Variants in MTHFD1L observed in about 807,000 individuals in gnomAD.
MTHFD1L encodes the protein monofunctional C1-tetrahydrofolate synthase, mitochondrial.
Under a neutral mutation model 119.5 loss-of-function variants are expected in MTHFD1L, and 81 were observed. The observed-to-expected ratio is 0.68, with a 90% CI of 0.57 to 0.82. The LOEUF (loss-of-function observed/expected upper bound fraction) is 0.82. Among genes scored for constraint, MTHFD1L ranks in the 40% least tolerant of loss-of-function variants. The probability of loss-of-function intolerance (pLI) is 0.00; values close to 1 mark genes in which losing one functional copy is unlikely to be tolerated. For synonymous variants in MTHFD1L, 430 were observed against 475.2 expected (o/e 0.90, Z 1.24); for missense variants, 1,125 against 1,253.4 (o/e 0.90, Z 1.55).
At chr6:150,984,446 A>G (rs1583956188) in intron 20 of MTHFD1L, among the ~76,000 whole-genome samples, 1 of 152,124 alleles carries the variant, frequency 6.6e-6, no homozygotes, top group Non-Finnish European at 1.5e-5. Context: ...CAGATAAAGT[A>G]ACTGAAGACT....
chr6:150,952,599 G>A (rs943968387), intron 16 of MTHFD1L, among the ~76,000 whole-genome samples: 2 of 152,116 alleles, frequency 1.3e-5, no homozygotes, highest in East Asian at 1.9e-4. Flanking sequence ...GTGCGATCTC[G>A]GCTCACCGCA....
At chr6:151,030,956 A>T (rs1785262645) in intron 24 of MTHFD1L, among the ~76,000 whole-genome samples, 2 of 152,352 alleles carry the variant, frequency 1.3e-5, no homozygotes, top group South Asian at 4.1e-4. Flanking sequence ...CAATGCAGGA[A>T]AATCACTTGA....
intron 26 of MTHFD1L, among the ~76,000 whole-genome samples, chr6:151,084,755 G>A (rs972706862): frequency 2.8e-4 from 42 of 151,654 alleles, no homozygotes; most frequent in Non-Finnish European, 4.4e-4. Flanking sequence ...CACGAGGTCA[G>A]GAGATCGAGA....
rs1562348409 is a variant in MTHFD1L, at chr6:150,903,203, A to ATTCTTTTTT, written c.781-2445_781-2444insCTTTTTTTT. 3.5e-5 allele frequency among the ~76,000 whole-genome samples: 3 copies of ATTCTTTTTT among 85,474 alleles called. 1 individual carries two copies. The highest frequency in any genetic ancestry group is 1.5e-4 in the Admixed American group (1 of 6,584). 56.1% of individuals were successfully genotyped at this position (85,474 alleles called of 152,430 possible). The stretch of plus-strand genomic sequence containing the variant: ...GATTGCTGGTGATATTGGCTGCAAA[A>ATTCTTTTTT]TTTTTTTTTTTTTTTTTTTTTTTTT... On this transcript the variant is annotated intron_variant, in intron 7 of 27. Transcript: ENST00000367321.
intron 12 of MTHFD1L, among the ~76,000 whole-genome samples, chr6:150,937,861 G>A (rs1325223743): frequency 3.3e-5 from 5 of 152,136 alleles, no homozygotes; most frequent in African/African-American, 4.8e-5. Flanking sequence ...ACACATGGGC[G>A]GTGTTGTTCT....
chr6:151,038,802 G>A (rs1584263108), intron 26 of MTHFD1L, among the ~76,000 whole-genome samples: 1 of 152,136 alleles, frequency 6.6e-6, no homozygotes, highest in South Asian at 2.1e-4. Context: ...TCCTCCTACC[G>A]TGGGGGCCGG....
At chr6:150,980,399 A>G (rs1325910506) in intron 20 of MTHFD1L, among the ~76,000 whole-genome samples, 1 of 152,134 alleles carries the variant, frequency 6.6e-6, no homozygotes. Context: ...GCTTTTGTGT[A>G]AAGTAGCCCT....
chr6:150,929,740 AAGACT>A (rs1253401786), intron 11 of MTHFD1L, among the ~76,000 whole-genome samples: 1 of 152,222 alleles, frequency 6.6e-6, no homozygotes, highest in African/African-American at 2.4e-5. Flanking sequence ...AATAGAAAAG[AAGACT>A]AAAGATGAAT....
At chr6:150,882,572 T>G (rs186203553) in intron 4 of MTHFD1L, among the ~76,000 whole-genome samples, 190 bp from the exon 5 acceptor site, 82 of 152,308 alleles carry the variant, frequency 5.4e-4, no homozygotes, top group Admixed American at 1.1e-3. Flanking sequence ...TTTTTGAGCC[T>G]TGTACACATG....
intron 24 of MTHFD1L, among the ~76,000 whole-genome samples, chr6:151,026,620 A>G (rs11969920): frequency 0.031 from 4,691 of 152,200 alleles, 263 homozygotes; most frequent in African/African-American, 0.11. Context: ...AAGATTTAAC[A>G]TAATGTTAGT....
At chr6:150,886,195 G>A (rs903939760) in intron 6 of MTHFD1L, among the ~76,000 whole-genome samples, 1 of 152,154 alleles carries the variant, frequency 6.6e-6, no homozygotes, top group Non-Finnish European at 1.5e-5. Context: ...TGCTAGGCGA[G>A]GCCAAGGCCA....
At chr6:151,068,387 T>G (rs1247135971) in intron 26 of MTHFD1L, among the ~76,000 whole-genome samples, 1 of 152,190 alleles carries the variant, frequency 6.6e-6, no homozygotes, top group African/African-American at 2.4e-5. Context: ...CCAGTATCGT[T>G]TTTCACTTTT....
chr6:151,022,577 G>GA (rs1180774967), intron 24 of MTHFD1L, among the ~76,000 whole-genome samples: 1 of 151,968 alleles, frequency 6.6e-6, no homozygotes, highest in East Asian at 1.9e-4. Flanking sequence ...AATTAGAAGG[G>GA]AAAAAACACA....
chr6:150,937,627 C>T (rs990117573), intron 12 of MTHFD1L, among the ~76,000 whole-genome samples: 7 of 152,248 alleles, frequency 4.6e-5, no homozygotes, highest in African/African-American at 1.7e-4. Context: ...TGTCATGCAT[C>T]GTGTAGTGGA....
At chr6:150,909,888 C>A (rs77311554) in intron 8 of MTHFD1L, among the ~76,000 whole-genome samples, 2,124 of 152,256 alleles carry the variant, frequency 0.014, 75 homozygotes, top group Admixed American at 0.073. Context: ...GACATTAGAA[C>A]TTACTGGAGG....
intron 24 of MTHFD1L, among the ~76,000 whole-genome samples, chr6:151,017,779 G>A (rs1304956574): frequency 2.0e-5 from 3 of 150,474 alleles, no homozygotes; most frequent in Admixed American, 6.6e-5. Flanking sequence ...ATGAGCATGC[G>A]TGTTTATGGC....
chr6:150,991,571 T>A (rs1779072502), intron 20 of MTHFD1L, among the ~76,000 whole-genome samples: 1 of 152,142 alleles, frequency 6.6e-6, no homozygotes, highest in Non-Finnish European at 1.5e-5. Flanking sequence ...GTTTTTTTTA[T>A]AAAAGGAAAA....
chr6:151,042,066 T>G, intron 26 of MTHFD1L: 2 of 336,596 alleles, frequency 5.9e-6, no homozygotes, highest in South Asian at 5.1e-5. Flanking sequence ...TATTAACTGG[T>G]GTAACAGCTT....
intron 20 of MTHFD1L, among the ~76,000 whole-genome samples, chr6:151,000,896 G>C (rs1370387505): frequency 1.3e-5 from 2 of 152,204 alleles, no homozygotes; most frequent in Non-Finnish European, 2.9e-5. Flanking sequence ...CATACACCTT[G>C]CTTGTTCCTC....
Sources: gnomAD v4.1 joint callset for allele counts (sites outside exome capture counted in the v4.1 genomes callset) on GRCh38, gnomAD v4.1.1 for gene constraint, MANE v1.5 for transcripts, NCBI Gene and HGNC (gene_info 2026-07-23, HGNC 2026-07-21) for gene names.